The following USP11 variants were observed in gnomAD, a reference collection of about 807,000 sequenced individuals.
USP11 encodes the protein ubiquitin specific peptidase 11, also known as ubiquitin carboxyl-terminal hydrolase 11.
Under a neutral mutation model 72.8 loss-of-function variants are expected in USP11, and 5 were observed. That is an observed-to-expected ratio of 0.07 (90% CI 0.04 to 0.14). The LOEUF (loss-of-function observed/expected upper bound fraction) is 0.14. Ranked by LOEUF, USP11 falls within the 10% of genes least tolerant of loss-of-function variation. The probability of loss-of-function intolerance (pLI) is 1.00; values close to 1 mark genes in which losing one functional copy is unlikely to be tolerated. For synonymous variants in USP11, 368 were observed against 326.5 expected, an observed-to-expected ratio of 1.13 and a Z score of -1.37; for missense variants, 480 against 794.7, an observed-to-expected ratio of 0.60 and a Z score of 4.76.
intron 20 of USP11, 28 bp from the exon 21 acceptor site, chrX:47,247,765 C>T (rs370201115): frequency 2.9e-4 from 346 of 1,205,652 alleles, no homozygotes; most frequent in Non-Finnish European, 3.6e-4. Flanking sequence ...CCCCACAATC[C>T]ACACTGACTC....
At chrX:47,237,829 T>C (rs1332285459) in intron 1 of USP11, among the ~76,000 whole-genome samples, 1 of 104,457 alleles carries the variant, frequency 9.6e-6, no homozygotes, top group African/African-American at 3.6e-5. Flanking sequence ...TGTGTGTGTT[T>C]AGGCAGGAGG....
intron 1 of USP11, chrX:47,233,569 C>T: frequency 1.2e-6 from 1 of 844,430 alleles, no homozygotes; most frequent in Non-Finnish European, 1.4e-6. Flanking sequence ...GCGCGGCCTG[C>T]GCTGCGTAAT....
In USP11 at chrX:47,233,102, C is replaced by T; in HGVS notation, c.59C>T (p.Ala20Val). Residue 20 changes from alanine (A) to valine (V), a missense_variant, in exon 1 of 21, where the codon GCG becomes GTG. Ala to Val is a moderately conservative substitution (Grantham distance 64, BLOSUM62 0). Around this residue, in one of 5 missense-constraint regions of USP11, gnomAD observed 71 missense variants for 71.4 expected, o/e 0.99. Coordinates refer to ENST00000377107, the MANE Select transcript of USP11 (RefSeq NM_001371072.1). Reference sequence around the variant, plus strand: ...GCGGCGGCTGTGGCGGCGGCAGCGGCGGTGACTGAGGATAGAGAGCCACAG... The same window carrying T: ...GCGGCGGCTGTGGCGGCGGCAGCGGTGGTGACTGAGGATAGAGAGCCACAG... The part of the protein sequence containing the change: ...AAAAAVAAAA[A>V]VTEDREPQHE... 1 of 1,198,408 alleles carries T rather than the reference C, an allele frequency of 8.3e-7. No homozygotes were observed. Among genetic ancestry groups the T allele is most frequent in the Non-Finnish European group, 1.1e-6 (1 of 888,578 alleles).
rs1256287962 is a variant in USP11 at position 47,233,040 on chromosome X, G to T, written c.-4G>T. 1 of 1,211,381 alleles carries T rather than the reference G, an allele frequency of 8.3e-7. No individual in the cohort carries two copies. The highest frequency in any genetic ancestry group is 1.1e-6 in the Non-Finnish European group (1 of 895,260). The stretch of plus-strand genomic sequence containing the variant: ...GCGTTGGCTGTAGAAGAGAACGGAC[G>T]GCGATGGCGACGGTCGCAGCAAATC... On this transcript the variant is annotated 5_prime_UTR_variant, in exon 1 of 21. Transcript: ENST00000377107.
In USP11 at chrX:47,242,447, C is replaced by T. The variant is rs778949528; in HGVS notation, c.1413C>T (p.Leu471=). ...TACCGTTTTTCCCTTAGCACCGGCT[C>T]GTGGTCCCCAAGAAAGGCAAGATCT... ...DPRRKPEQHR[L]VVPKKGKISD... The change falls in exon 11 of 21, where the codon CTC becomes CTT. Residue 471 remains leucine (L), a synonymous_variant. Transcript: ENST00000377107. 24 of 1,210,365 alleles carry T rather than the reference C, an allele frequency of 2.0e-5. No individual in the cohort carries two copies. Among genetic ancestry groups the T allele is most frequent in the East Asian group, 5.9e-5 (2 of 33,786 alleles).
intron 17 of USP11, 76 bp from the exon 18 acceptor site, chrX:47,246,996 G>A (rs1268538911): frequency 1.8e-6 from 2 of 1,107,223 alleles, no homozygotes; most frequent in East Asian, 6.4e-5. Flanking sequence ...ACTCCAGCCT[G>A]GGCAACAGAG....
chrX:47,240,867 G>A lies in USP11; in HGVS notation c.837G>A (p.Ser279=), dbSNP rs773621726. ...TNLGNTCFMN[S]ALQCLSNVPQ... ...TGGGCAACACGTGCTTCATGAACTC[G>A]GCCCTGCAGGTTGGGCCATTATAGT... Residue 279 remains serine (S), a synonymous_variant, in exon 7 of 21, where the codon TCG becomes TCA. Coordinates refer to ENST00000377107, the MANE Select transcript of USP11 (RefSeq NM_001371072.1). 18 of 1,206,892 alleles carry A rather than the reference G, an allele frequency of 1.5e-5. No homozygotes were observed. The highest frequency in any genetic ancestry group is 2.3e-4 in the Middle Eastern group (1 of 4,367).
At position 47,243,582 on chromosome X, in the gene USP11, C is replaced by A; in HGVS notation, c.1770C>A (p.Asn590Lys). The A allele has an allele frequency of 1.7e-6, 2 of 1,211,803 alleles. No homozygotes were observed. The highest frequency in any genetic ancestry group is 2.2e-6 in the Non-Finnish European group (2 of 895,469). ...RDRFTWEGLY[N>K]VLMYRLSRYV... ...GCTTCACCTGGGAGGGCCTGTATAA[C>A]GTCCTGATGTACCGGCTCTCGTAAG... The change falls in exon 13 of 21, where the codon AAC becomes AAA. Residue 590 changes from asparagine to lysine, a missense_variant. By Grantham distance (94) the Asn-to-Lys change is moderately conservative. This residue lies in a region of USP11 where 314 missense variants were observed against 556.0 expected (regional missense o/e 0.56). Transcript: ENST00000377107.
At chrX:47,243,696 C>CA (rs1476686122) in intron 13 of USP11, 94 bp downstream of exon 13, 7 of 866,789 alleles carry the variant, frequency 8.1e-6, no homozygotes, top group Admixed American at 2.8e-5. Flanking sequence ...CTGTAACAAA[C>CA]AAAAGACAGT....
At chrX:47,243,889 G>GT (rs1188589026) in intron 13 of USP11, among the ~76,000 whole-genome samples, 3 of 111,150 alleles carry the variant, frequency 2.7e-5, no homozygotes, top group Non-Finnish European at 5.7e-5. Context: ...GAGAGTCTTG[G>GT]TTTTTTTGTC....
chrX:47,241,217 C>T, intron 7 of USP11, 60 bp from the exon 8 acceptor site: 3 of 1,119,502 alleles, frequency 2.7e-6, no homozygotes, highest in Admixed American at 2.8e-5. Flanking sequence ...TTTTGTGTAT[C>T]CTCACTTTGA....
intron 12 of USP11, 100 bp downstream of exon 12, chrX:47,242,820 C>T: frequency 1.5e-6 from 1 of 661,380 alleles, no homozygotes. Context: ...CCTGCCTCTG[C>T]CTCGTTCACT....
intron 13 of USP11, 150 bp downstream of exon 13, chrX:47,243,752 C>T: frequency 3.5e-6 from 2 of 577,400 alleles, no homozygotes; most frequent in Non-Finnish European, 5.4e-6. Context: ...TTTTTTCTTT[C>T]TCTAGACCTC....
chrX:47,241,753 G>A (rs148896305), intron 9 of USP11, 54 bp downstream of exon 9: 17 of 1,127,700 alleles, frequency 1.5e-5, no homozygotes, highest in Middle Eastern at 3.4e-4. Flanking sequence ...CCTCTGCCTC[G>A]GGGATTTTCT....
chrX:47,245,615 G>T (rs769195576), intron 17 of USP11, 133 bp downstream of exon 17: 12 of 427,691 alleles, frequency 2.8e-5, no homozygotes, highest in East Asian at 2.0e-4. Flanking sequence ...TACAATCTCG[G>T]CTCAGTGCAA....
At chrX:47,243,772 T>C (rs1285730365) in intron 13 of USP11, among the ~76,000 whole-genome samples, 170 bp downstream of exon 13, 1 of 112,135 alleles carries the variant, frequency 8.9e-6, no homozygotes, top group Non-Finnish European at 1.9e-5. Context: ...CTGGCTTTGC[T>C]ACTGCCTGTC....
Position 47,244,510 on chromosome X carries a change from C to T in USP11, c.1803C>T (p.Thr601=), listed in dbSNP as rs2055421497. ...VLMYRLSRYV[T]KPNSDDEDDG... ...TGCTCTGTTGCAGACGCTACGTGAC[C>T]AAACCCAACTCAGATGATGAGGACG... Residue 601 remains threonine (T), a synonymous_variant, in exon 14 of 21, where the codon ACC becomes ACT. Coordinates refer to ENST00000377107, the MANE Select transcript of USP11 (RefSeq NM_001371072.1). The T allele has an allele frequency of 8.3e-7, 1 of 1,208,702 alleles. No individual in the cohort carries two copies. Among genetic ancestry groups the T allele is most frequent in the African/African-American group, 1.8e-5 (1 of 56,713 alleles).
chrX:47,233,923 C>G (rs1334425732), intron 1 of USP11: 1 of 112,145 alleles, frequency 8.9e-6, no homozygotes, highest in Non-Finnish European at 1.9e-5. Context: ...GTGATTAGCA[C>G]CGGAGGGGCC....
intron 7 of USP11, 99 bp from the exon 8 acceptor site, chrX:47,241,178 G>C (rs189636193): frequency 1.1e-5 from 10 of 935,883 alleles, no homozygotes; most frequent in Non-Finnish European, 1.3e-5. Context: ...CTTCTCTCTT[G>C]TTTTCCTCTC....
Sources: gnomAD v4.1 joint callset for allele counts (sites outside exome capture counted in the v4.1 genomes callset) on GRCh38, gnomAD v4.1.1 for gene constraint, gnomAD v4.1.1 regional missense constraint, MANE v1.5 for transcripts, NCBI Gene and HGNC (gene_info 2026-07-23, HGNC 2026-07-21) for gene names.